Variants in XAB2 observed in about 807,000 individuals in gnomAD.
XAB2 encodes the protein XPA binding protein 2.
Under a neutral mutation model 113.4 loss-of-function variants are expected in XAB2, and 57 were observed. The observed-to-expected ratio is 0.50, with a 90% CI of 0.41 to 0.63. XAB2 has a LOEUF of 0.63. Ranked by LOEUF, XAB2 falls within the 20% of genes least tolerant of loss-of-function variation. The pLI is 0.00. For synonymous variants in XAB2, 497 were observed against 498.8 expected, an observed-to-expected ratio of 1.00 and a Z score of 0.05; for missense variants, 1,037 against 1,233.3, an observed-to-expected ratio of 0.84 and a Z score of 2.38.
In XAB2 at chr19:7,623,383, G is replaced by A. The variant is rs2146186361; in HGVS notation, c.1120-94C>T. ...GGCTCTGAGGGGTGGGGCCTGGAGG[G>A]TGCTGTGGCCCCTGTCGGGAGAGGC... On this transcript the variant is annotated intron_variant, in intron 8 of 18. Coordinates refer to ENST00000358368, the MANE Select transcript of XAB2 (RefSeq NM_020196.3). This position sits in a 1 kb window ranked among gnomAD's most constrained non-coding sequence, Gnocchi z 4.6. 22 of 1,528,312 alleles carry A rather than the reference G, an allele frequency of 1.4e-5. No individual in the cohort carries two copies. The South Asian group carries it at 2.3e-4, about 16-fold the overall frequency. The allele number at this position is 1,528,312 out of a possible 1,614,324, so 94.7% of individuals were successfully genotyped here.
intron 13 of XAB2, 40 bp downstream of exon 13, chr19:7,621,095 G>GGGCCC: frequency 1.3e-6 from 2 of 1,486,306 alleles, no homozygotes; most frequent in African/African-American, 1.4e-5. Flanking sequence ...CAGAAACCCA[G>GGGCCC]CCCGCCCGCC....
Position 7,626,049 on chromosome 19 carries a change from A to G in XAB2, c.658-5T>C. 6.2e-7 allele frequency: 1 copy of G among 1,608,458 alleles called. No homozygotes were observed. The highest frequency in any genetic ancestry group is 8.5e-7 in the Non-Finnish European group (1 of 1,175,718). ...GTCGCACAGCTCGTGCCACAGCTGC[A>G]GGGCATGGGGCAGTGGGGGAGAGTC... is the stretch of plus-strand genomic sequence containing the variant. On this transcript the variant is annotated splice_polypyrimidine_tract_variant and splice_region_variant and intron_variant, in intron 5 of 18. Coordinates refer to ENST00000358368, the MANE Select transcript of XAB2 (RefSeq NM_020196.3).
Position 7,625,747 on chromosome 19 carries a change from G to A in XAB2, c.822+133C>T, listed in dbSNP as rs2031126129. On this transcript the variant is annotated intron_variant, in intron 6 of 18. Coordinates refer to ENST00000358368, the MANE Select transcript of XAB2 (RefSeq NM_020196.3). This position sits in a 1 kb window ranked among gnomAD's most constrained non-coding sequence, Gnocchi z 5.2. ...TACCGCCTCGGCCTCCCAAAGTGCT[G>A]GGATGACAGGTGTGAGCCACCACAC... is the stretch of plus-strand genomic sequence containing the variant. 1 of 1,281,674 alleles carries A rather than the reference G, an allele frequency of 7.8e-7. No homozygotes were observed. The highest frequency in any genetic ancestry group is 2.5e-5 in the East Asian group (1 of 39,404). 79.4% of individuals were successfully genotyped at this position (1,281,674 alleles called of 1,614,324 possible).
In XAB2 at chr19:7,622,084, A is replaced by G. The variant is rs1333554824; in HGVS notation, c.1617+247T>C. 3 of 460,704 alleles carry G rather than the reference A, an allele frequency of 6.5e-6. No homozygotes were observed. The East Asian group carries it at 1.2e-4, about 18-fold the overall frequency. 28.5% of individuals were successfully genotyped at this position (460,704 alleles called of 1,614,324 possible). A position where few individuals can be genotyped will look rare whatever the true frequency, so the allele number is the denominator to read the frequency against. On this transcript the variant is annotated intron_variant, in intron 12 of 18. Transcript: ENST00000358368. Reference sequence around the variant, plus strand: ...GTGACACACACAAAGAGAAGGCCACACAAAGACATAGGGAGAAGGCGGCTG... The same window carrying G: ...GTGACACACACAAAGAGAAGGCCACGCAAAGACATAGGGAGAAGGCGGCTG...
chr19:7,626,854 A>C (rs1008297994), intron 4 of XAB2, among the ~76,000 whole-genome samples: 6 of 151,494 alleles, frequency 4.0e-5, no homozygotes, highest in African/African-American at 1.5e-4. Flanking sequence ...ACCATGCCCC[A>C]CTCCCGCCCG....
In XAB2 at chr19:7,620,950, C is replaced by T. The variant is rs1236470906; in HGVS notation, c.1867G>A (p.Val623Met). The T allele has an allele frequency of 1.9e-6, 3 of 1,587,442 alleles. No homozygotes were observed. The highest frequency in any genetic ancestry group is 1.1e-5 in the South Asian group (1 of 87,100). Residue 623 changes from valine to methionine, a missense_variant, in exon 14 of 19, where the codon GTG (valine) becomes ATG (methionine). Physicochemically the swap from Val to Met is conservative, Grantham distance 21. Coordinates refer to ENST00000358368, the MANE Select transcript of XAB2 (RefSeq NM_020196.3). ...ATGTCATACTGCTGGGCGGGCTCCA[C>T]GGCCCTGGTGGCACGCTCGTACACG... The part of the protein sequence containing the change: ...MAVYERATRA[V>M]EPAQQYDMFN...
chr19:7,627,529 C>T lies in XAB2; in HGVS notation c.325-89G>A. ...TCGATGTCCTGTGGCTGAGCCACAC[C>T]TGGGGCCACCACATAAATGCGGCGG... On this transcript the variant is annotated intron_variant, in intron 3 of 18. Transcript: ENST00000358368. This position sits in a 1 kb window ranked among gnomAD's most constrained non-coding sequence, Gnocchi z 4.5. 1 of 1,526,972 alleles carries T rather than the reference C, an allele frequency of 6.5e-7. No individual in the cohort carries two copies. Among genetic ancestry groups the T allele is most frequent in the East Asian group, 2.3e-5 (1 of 43,042 alleles). The allele number at this position is 1,526,972 out of a possible 1,614,324, so 94.6% of individuals were successfully genotyped here.
At chr19:7,626,351 C>T in intron 4 of XAB2, 81 bp from the exon 5 acceptor site, 2 of 1,528,530 alleles carry the variant, frequency 1.3e-6, no homozygotes, top group Non-Finnish European at 8.9e-7. Flanking sequence ...TTCGGGGCGT[C>T]CCCCCCCACC....
At position 7,628,373 on chromosome 19, in the gene XAB2, G is replaced by A. The variant is rs1219297908; in HGVS notation, c.52-75C>T. On this transcript the variant is annotated intron_variant, in intron 1 of 18. Transcript: ENST00000358368. The surrounding 1 kb of genome is among the most constrained non-coding windows in gnomAD (Gnocchi z 4.6). ...TGTGCAGCACCATCCCACTGCTGGGGCTCAGGTCCAAACTCCGGACTTTTA... is the reference window on the plus strand; with the variant it reads ...TGTGCAGCACCATCCCACTGCTGGGACTCAGGTCCAAACTCCGGACTTTTA... 3 of 1,585,760 alleles carry A rather than the reference G, an allele frequency of 1.9e-6. No homozygotes were observed. The highest frequency in any genetic ancestry group is 2.7e-5 in the African/African-American group (2 of 74,206).
At position 7,627,784 on chromosome 19, in the gene XAB2, G is replaced by A. The variant is rs755397413; in HGVS notation, c.268C>T (p.Pro90Ser). The change falls in exon 3 of 19, where the codon CCT becomes TCT. Residue 90 changes from proline to serine, a missense_variant. Coordinates refer to ENST00000358368, the MANE Select transcript of XAB2 (RefSeq NM_020196.3). The surrounding 1 kb of genome is among the most constrained non-coding windows in gnomAD (Gnocchi z 4.5). Reference protein sequence around the residue: ...AQVKHRCVTDPAYEDVNNCHE... With the variant: ...AQVKHRCVTDSAYEDVNNCHE... The stretch of plus-strand genomic sequence containing the variant: ...CAGTTGTTGACATCTTCATAGGCAG[G>A]GTCGGTCACACAGCGATGCTTCACC... 6.2e-6 allele frequency: 10 copies of A among 1,614,042 alleles called. No homozygotes were observed. The highest frequency in any genetic ancestry group is 1.7e-5 in the Admixed American group (1 of 60,020).
rs747848855 is a variant in XAB2, at chr19:7,620,276, G to A, written c.2265C>T (p.Thr755=). ...MLKVSGSATG[T]VSDLAPGQSG... Reference sequence around the variant, plus strand: ...ACTCAGCCAGCTGGGACGGCTCACCGGTGCCCGTGGCACTGCCCGAGACCT... The same window carrying A: ...ACTCAGCCAGCTGGGACGGCTCACCAGTGCCCGTGGCACTGCCCGAGACCT... The change falls in exon 16 of 19, where the codon ACC becomes ACT. Residue 755 remains threonine (T), a splice_region_variant and synonymous_variant. Coordinates refer to ENST00000358368, the MANE Select transcript of XAB2 (RefSeq NM_020196.3). The A allele has an allele frequency of 1.7e-5, 27 of 1,612,964 alleles. No homozygotes were observed. The Admixed American group carries it at 1.8e-4, about 11-fold the overall frequency.
At position 7,623,410 on chromosome 19, in the gene XAB2, AGAAAC is replaced by A; in HGVS notation, c.1120-126_1120-122del. The A allele has an allele frequency of 7.5e-7, 1 of 1,338,888 alleles. No homozygotes were observed. Among genetic ancestry groups the A allele is most frequent in the South Asian group, 1.3e-5 (1 of 76,516 alleles). 82.9% of individuals were successfully genotyped at this position (1,338,888 alleles called of 1,614,324 possible). On this transcript the variant is annotated intron_variant, in intron 8 of 18. Transcript: ENST00000358368. This position sits in a 1 kb window ranked among gnomAD's most constrained non-coding sequence, Gnocchi z 4.6. ...GCTGTGGCCCCTGTCGGGAGAGGCC[AGAAAC>A]GAACTATGGCCCTTGACAATGGTCA...
At position 7,626,115 on chromosome 19, in the gene XAB2, G is replaced by A. The variant is rs4134838; in HGVS notation, c.657+21C>T. The A allele has an allele frequency of 3.1e-6, 5 of 1,612,716 alleles. No individual in the cohort carries two copies. In the African/African-American group the frequency reaches 6.7e-5, roughly 22 times the overall value. The stretch of plus-strand genomic sequence containing the variant: ...GAGGGGGTGGCCCTCCCACCCAGTT[G>A]CCGGCTCCCGGCAGGCCCACCTGGT... On this transcript the variant is annotated intron_variant, in intron 5 of 18. Transcript: ENST00000358368.
chr19:7,623,636 C>A lies in XAB2; in HGVS notation c.1119+95G>T. 1.4e-6 allele frequency: 2 copies of A among 1,474,264 alleles called. No individual in the cohort carries two copies. 91.3% of individuals were successfully genotyped at this position (1,474,264 alleles called of 1,614,324 possible). On this transcript the variant is annotated intron_variant, in intron 8 of 18. Transcript: ENST00000358368. This position sits in a 1 kb window ranked among gnomAD's most constrained non-coding sequence, Gnocchi z 4.6. ...ATTGGACCTACTAAGCAAAGTCAGG[C>A]CCCTAGAAGGTGACATTATGGGTGA...
chr19:7,620,693 C>G (rs758667621), intron 14 of XAB2, 24 bp from the exon 15 acceptor site: 2 of 1,610,798 alleles, frequency 1.2e-6, no homozygotes, highest in Middle Eastern at 1.7e-4. Context: ...TTGGGGAGGC[C>G]GGGAGTGAGG....
In XAB2 at chr19:7,623,871, G is replaced by T; in HGVS notation, c.979C>A (p.Leu327Met). 1 of 1,587,354 alleles carries T rather than the reference G, an allele frequency of 6.3e-7. No individual in the cohort carries two copies. The change falls in exon 8 of 19, where the codon CTG (leucine) becomes ATG (methionine). Residue 327 changes from leucine (L) to methionine (M), a missense_variant. Leu to Met is a conservative substitution (Grantham distance 15). Coordinates refer to ENST00000358368, the MANE Select transcript of XAB2 (RefSeq NM_020196.3). This position sits in a 1 kb window ranked among gnomAD's most constrained non-coding sequence, Gnocchi z 4.6. ...TCGAAGCGGGCCAGGCGCAGCTCCAGGTCCACATCATCTGGGAGCCGCGAA... is the reference window on the plus strand; with the variant it reads ...TCGAAGCGGGCCAGGCGCAGCTCCATGTCCACATCATCTGGGAGCCGCGAA... Reference protein sequence around the residue: ...LGREEEDDVDLELRLARFEQL... With the variant: ...LGREEEDDVDMELRLARFEQL...
In XAB2 at chr19:7,622,745, C is replaced by G; in HGVS notation, c.1371+17G>C. On this transcript the variant is annotated intron_variant, in intron 10 of 18. Coordinates refer to ENST00000358368, the MANE Select transcript of XAB2 (RefSeq NM_020196.3). ...ACAACCTGCAGCCCCCACCCCACAG[C>G]CTGGGCCTGTTCTCACTCGCAGCAG... 6.2e-7 allele frequency: 1 copy of G among 1,613,850 alleles called. No individual in the cohort carries two copies. Among genetic ancestry groups the G allele is most frequent in the Non-Finnish European group, 8.5e-7 (1 of 1,179,982 alleles).
chr19:7,622,106 G>T, intron 12 of XAB2: 1 of 519,888 alleles, frequency 1.9e-6, no homozygotes, highest in South Asian at 2.3e-5. Context: ...GGAGAAGGCG[G>T]CTGTCTGTAA....
chr19:7,627,730 T>G lies in XAB2; in HGVS notation c.322A>C (p.Lys108Gln), dbSNP rs1342848489. The stretch of plus-strand genomic sequence containing the variant: ...CATCCCCTCGCCGAGCCCCAAACCT[T>G]GTGCATGAACACAAAGGCCCTCTCA... ...CHERAFVFMH[K>Q]MPRLWLDYCQ... Residue 108 changes from lysine (K) to glutamine (Q), a missense_variant and splice_region_variant, in exon 3 of 19, where the codon AAG (lysine) becomes CAG (glutamine). Transcript: ENST00000358368. This position sits in a 1 kb window ranked among gnomAD's most constrained non-coding sequence, Gnocchi z 4.5. The G allele has an allele frequency of 6.2e-7, 1 of 1,613,806 alleles. No homozygotes were observed. Among genetic ancestry groups the G allele is most frequent in the Non-Finnish European group, 8.5e-7 (1 of 1,179,912 alleles).
Sources: gnomAD v4.1 joint callset for allele counts (sites outside exome capture counted in the v4.1 genomes callset) on GRCh38, gnomAD v4.1.1 for gene constraint, Gnocchi (gnomAD v3.1) non-coding constraint, MANE v1.5 for transcripts, NCBI Gene and HGNC (gene_info 2026-07-23, HGNC 2026-07-21) for gene names.